MME: variants seen among roughly 807,000 people sequenced by gnomAD.
MME encodes the protein neprilysin.
A neutral mutation model predicts 113.2 loss-of-function variants in MME; 98 were observed. That is an observed-to-expected ratio of 0.87 (90% CI 0.74 to 1.02). MME has a LOEUF of 1.02. MME is among the 50% of genes least tolerant of loss of function. The probability of loss-of-function intolerance (pLI) is 0.00; values close to 1 mark genes in which losing one functional copy is unlikely to be tolerated. For missense variants in MME, 836 were observed against 896.0 expected (o/e 0.93, Z 0.86); for synonymous variants, 292 against 300.6 (o/e 0.97, Z 0.30).
intron 20 of MME, 53 bp from the exon 21 acceptor site, chr3:155,172,064 T>C: frequency 2.9e-6 from 3 of 1,044,186 alleles, no homozygotes; most frequent in Non-Finnish European, 4.5e-6. Context: ...CATAGGTTTA[T>C]ATATAACCTT....
chr3:155,160,082 A>G (rs1336515511), intron 16 of MME, among the ~76,000 whole-genome samples: 1 of 152,060 alleles, frequency 6.6e-6, no homozygotes, highest in Non-Finnish European at 1.5e-5. Flanking sequence ...ATAAATTTCA[A>G]TACAATCTTA....
chr3:155,177,215 A>C (rs1712629196), intron 22 of MME, among the ~76,000 whole-genome samples: 1 of 152,182 alleles, frequency 6.6e-6, no homozygotes, highest in Admixed American at 6.6e-5. Flanking sequence ...AATCCTTTGG[A>C]AAAAATTAAT....
At chr3:155,116,421 T>C (rs955332880) in intron 4 of MME, 58 bp from the exon 5 acceptor site, 1 of 1,247,512 alleles carries the variant, frequency 8.0e-7, no homozygotes, top group Non-Finnish European at 1.2e-6. Flanking sequence ...AGCAATTATG[T>C]TTGCATAGTG....
chr3:155,102,843 C>T (rs1422257286), intron 3 of MME, among the ~76,000 whole-genome samples: 1 of 152,182 alleles, frequency 6.6e-6, no homozygotes, highest in African/African-American at 2.4e-5. Context: ...ATGCCGAAAC[C>T]TTGAGAGCTA....
chr3:155,102,777 G>T lies in MME; in HGVS notation c.197-12217G>T, dbSNP rs142969310. ...CATTTCCCTCCCCTTCACTGGGCAG[G>T]GTGACAAAGACCAGGCCTCTGCTCC... is the stretch of plus-strand genomic sequence containing the variant. On this transcript the variant is annotated intron_variant, in intron 3 of 22. Coordinates refer to ENST00000360490, the MANE Select transcript of MME (RefSeq NM_007289.4). Among the ~76,000 whole-genome samples, 646 of 152,244 alleles carry T rather than the reference G, an allele frequency of 4.2e-3. 6 individuals are homozygous for T. The highest frequency in any genetic ancestry group is 5.8e-3 in the Non-Finnish European group (393 of 68,006).
At chr3:155,116,116 CTG>C (rs972382749) in intron 4 of MME, among the ~76,000 whole-genome samples, 2 of 151,364 alleles carry the variant, frequency 1.3e-5, no homozygotes, top group African/African-American at 2.4e-5. Context: ...CCAAATTCCT[CTG>C]TGTTATTGTT....
chr3:155,090,848 G>A (rs1716226743), intron 3 of MME, among the ~76,000 whole-genome samples: 1 of 152,228 alleles, frequency 6.6e-6, no homozygotes. Context: ...GCTTGCAAAT[G>A]TCTGCAAGGG....
intron 3 of MME, among the ~76,000 whole-genome samples, chr3:155,105,634 A>G (rs192917659): frequency 5.9e-5 from 9 of 152,306 alleles, no homozygotes; most frequent in Non-Finnish European, 8.8e-5. Flanking sequence ...AGGTTTCTTG[A>G]GTTCAAACCC....
intron 1 of MME, among the ~76,000 whole-genome samples, chr3:155,063,853 A>C (rs1410259231): frequency 6.6e-6 from 1 of 150,958 alleles, no homozygotes; most frequent in East Asian, 1.9e-4. Context: ...TATGAACTGA[A>C]CTGTTTTGCC....
At chr3:155,097,155 T>C (rs1427586402) in intron 3 of MME, among the ~76,000 whole-genome samples, 1 of 151,996 alleles carries the variant, frequency 6.6e-6, no homozygotes, top group Non-Finnish European at 1.5e-5. Flanking sequence ...GAGTTCACTG[T>C]GAGATAGTTT....
chr3:155,099,802 T>C (rs1412127553), intron 3 of MME, among the ~76,000 whole-genome samples: 1 of 152,226 alleles, frequency 6.6e-6, no homozygotes, highest in Non-Finnish European at 1.5e-5. Flanking sequence ...CTATCATTGT[T>C]GGACATTTGG....
chr3:155,024,463 C>T (rs1446031904), intron 1 of MME: 1 of 152,160 alleles, frequency 6.6e-6, no homozygotes, highest in East Asian at 1.9e-4. Context: ...TCCCATGCCC[C>T]AACTTGATGC....
At position 155,168,580 on chromosome 3, in the gene MME, G is replaced by T; in HGVS notation, c.1869G>T (p.Val623=). The change falls in exon 19 of 23, where the codon GTG becomes GTT. Residue 623 remains valine, a synonymous_variant. Coordinates refer to ENST00000360490, the MANE Select transcript of MME (RefSeq NM_007289.4). ...SNFKEQSQCM[V]YQYGNFSWDL... ...TTAAGGAGCAATCCCAGTGCATGGT[G>T]TATCAGTATGGAAACTTTTCCTGGG... 6.2e-7 allele frequency: 1 copy of T among 1,613,812 alleles called. No homozygotes were observed. The highest frequency in any genetic ancestry group is 8.5e-7 in the Non-Finnish European group (1 of 1,179,812).
At chr3:155,071,160 C>T (rs1434727137) in intron 1 of MME, among the ~76,000 whole-genome samples, 2 of 152,188 alleles carry the variant, frequency 1.3e-5, no homozygotes, top group Non-Finnish European at 2.9e-5. Flanking sequence ...AACTACCCTC[C>T]TTTCCCGTTT....
chr3:155,138,029 G>T (rs1720767833), intron 8 of MME, 73 bp from the exon 9 acceptor site: 2 of 1,528,282 alleles, frequency 1.3e-6, no homozygotes, highest in Non-Finnish European at 1.8e-6. Flanking sequence ...ATATTGAAAT[G>T]AAAATAAATT....
upstream of MME, among the ~76,000 whole-genome samples, chr3:155,077,287 G>C (rs750611900): frequency 3.9e-5 from 6 of 152,110 alleles, no homozygotes; most frequent in Non-Finnish European, 8.8e-5. Flanking sequence ...GGTTTTTAAG[G>C]ATCCATTCTG....
intron 8 of MME, among the ~76,000 whole-genome samples, chr3:155,132,512 T>C (rs373054473): frequency 1.8e-4 from 27 of 152,282 alleles, no homozygotes; most frequent in East Asian, 1.4e-3. Flanking sequence ...AAACTACTGT[T>C]ACGAGTACTA....
intron 1 of MME, among the ~76,000 whole-genome samples, chr3:155,072,720 A>G (rs1418890451): frequency 6.6e-6 from 1 of 152,130 alleles, no homozygotes; most frequent in African/African-American, 2.4e-5. Flanking sequence ...ATTATTATAG[A>G]CCATGCTGCT....
In MME at chr3:155,092,812, G is replaced by A. The variant is rs146993366; in HGVS notation, c.196+7718G>A. On this transcript the variant is annotated intron_variant, in intron 3 of 22. Coordinates refer to ENST00000360490, the MANE Select transcript of MME (RefSeq NM_007289.4). ...TTCTATAAGAAGCAAAACTATAGGG[G>A]CAGAAGACAAATATTGGTTGCCTGA... 7.1e-3 allele frequency among the ~76,000 whole-genome samples: 1,074 copies of A among 152,174 alleles called. 9 individuals carry two copies. Among genetic ancestry groups the A allele is most frequent in the African/African-American group, 0.024 (1,015 of 41,530 alleles).
Sources: allele counts gnomAD v4.1 joint callset (sites outside exome capture counted in the v4.1 genomes callset), GRCh38; gene constraint gnomAD v4.1.1; transcripts MANE v1.5; gene names NCBI Gene and HGNC (gene_info 2026-07-23, HGNC 2026-07-21).